ENTPD5: variants seen among roughly 807,000 people sequenced by gnomAD.
The protein encoded by ENTPD5 is nucleoside diphosphate phosphatase ENTPD5.
In ENTPD5, 49 loss-of-function variants were observed where a neutral mutation model predicts 60.2. The ratio of observed to expected loss-of-function variants is 0.81; its 90% confidence interval spans 0.65 to 1.03. ENTPD5 has a LOEUF of 1.03. ENTPD5 is among the 50% of genes least tolerant of loss of function. The pLI is 0.00. For synonymous variants in ENTPD5, 187 were observed against 185.4 expected (o/e 1.01, Z -0.07); for missense variants, 480 against 507.6 (o/e 0.95, Z 0.52).
downstream of ENTPD5, chr14:73,959,151 C>T (rs373668656): frequency 6.2e-7 from 1 of 1,614,064 alleles, no homozygotes; most frequent in African/African-American, 1.3e-5. Flanking sequence ...CTTTTCTCCT[C>T]TCTGTTGCAG....
intron 3 of ENTPD5, among the ~76,000 whole-genome samples, chr14:74,005,378 A>G (rs1393717039): frequency 1.3e-5 from 2 of 150,476 alleles, no homozygotes; most frequent in Non-Finnish European, 3.0e-5. Context: ...AAAAAAGAAA[A>G]GAAATATAGG....
At chr14:73,961,395 G>A, downstream of ENTPD5, 1 of 1,614,128 alleles carries the variant, frequency 6.2e-7, no homozygotes, top group Non-Finnish European at 8.5e-7. Flanking sequence ...TAACAGAGCA[G>A]GGCCACTCCC....
rs1594941315 is a variant in ENTPD5, at chr14:74,003,415, A to G, written c.-71+7676T>C. On this transcript the variant is annotated intron_variant, in intron 3 of 15. Coordinates refer to ENST00000334696, the MANE Select transcript of ENTPD5 (RefSeq NM_001249.5). ...TGCATCATGAGAGCTAAGTGGAGGA[A>G]AAAGCGAATGTGCAGTCTGAAGCAC... 12 of 943,860 alleles carry G rather than the reference A, an allele frequency of 1.3e-5. No homozygotes were observed. The East Asian group carries it at 3.4e-4, about 27-fold the overall frequency. 58.5% of individuals were successfully genotyped at this position (943,860 alleles called of 1,614,324 possible).
At chr14:74,006,388 A>T (rs1435541596) in intron 3 of ENTPD5, among the ~76,000 whole-genome samples, 1 of 148,224 alleles carries the variant, frequency 6.7e-6, no homozygotes, top group Non-Finnish European at 1.5e-5. Context: ...GGTTCACACC[A>T]TTCTCCTGCC....
downstream of ENTPD5, chr14:73,959,427 T>A: frequency 6.2e-7 from 1 of 1,614,220 alleles, no homozygotes; most frequent in Non-Finnish European, 8.5e-7. Flanking sequence ...CTCAGACACC[T>A]TGAGTTCCTT....
chr14:74,014,897 T>C (rs1164287694), intron 2 of ENTPD5, among the ~76,000 whole-genome samples: 1 of 151,892 alleles, frequency 6.6e-6, no homozygotes, highest in Non-Finnish European at 1.5e-5. Flanking sequence ...CTGGCCAACA[T>C]GGGGGTGAAA....
rs78933588 is a variant in ENTPD5, at chr14:73,966,908, C to T, written c.*20G>A. On this transcript the variant is annotated 3_prime_UTR_variant, in exon 16 of 16. Transcript: ENST00000334696. Reference sequence around the variant, plus strand: ...TAAAAAGGTGTTGGCAAATGCAGGTCTCCAAGGAAGTACGTGGCCTCAATG... The same window carrying T: ...TAAAAAGGTGTTGGCAAATGCAGGTTTCCAAGGAAGTACGTGGCCTCAATG... 7.4e-4 allele frequency: 1,191 copies of T among 1,604,180 alleles called. 7 individuals carry two copies. In the African/African-American group the frequency reaches 0.014, roughly 19 times the overall value.
At chr14:73,997,373 T>C (rs1358996167) in intron 3 of ENTPD5, among the ~76,000 whole-genome samples, 1 of 152,040 alleles carries the variant, frequency 6.6e-6, no homozygotes, top group Non-Finnish European at 1.5e-5. Flanking sequence ...TTGGATAAAA[T>C]AATACAGTAT....
intron 6 of ENTPD5, among the ~76,000 whole-genome samples, chr14:73,981,359 C>T (rs1169137425): frequency 6.6e-6 from 1 of 151,362 alleles, no homozygotes; most frequent in African/African-American, 2.4e-5. Context: ...ATTAGCCAGG[C>T]GTGGTGGTGC....
At chr14:73,975,706 A>G (rs2057413132) in intron 10 of ENTPD5, among the ~76,000 whole-genome samples, 1 of 152,122 alleles carries the variant, frequency 6.6e-6, no homozygotes, top group Non-Finnish European at 1.5e-5. Context: ...CACCCAGCCG[A>G]AAACTTTTGA....
chr14:74,012,205 A>G (rs1309036848), intron 2 of ENTPD5, among the ~76,000 whole-genome samples: 1 of 152,088 alleles, frequency 6.6e-6, no homozygotes, highest in East Asian at 1.9e-4. Context: ...CCTGGGTTCA[A>G]GCAATTCTCC....
At chr14:73,958,210 T>A (rs763335425), downstream of ENTPD5, 4 of 1,614,018 alleles carry the variant, frequency 2.5e-6, no homozygotes, top group Middle Eastern at 1.6e-4. Flanking sequence ...CCATTTCCTA[T>A]GGCCGACTCC....
intron 3 of ENTPD5, among the ~76,000 whole-genome samples, chr14:73,990,357 C>A (rs1025230768): frequency 6.7e-6 from 1 of 149,368 alleles, no homozygotes; most frequent in East Asian, 2.0e-4. Flanking sequence ...TTTTTTGAGA[C>A]AGGGTCTCAC....
intron 4 of ENTPD5, among the ~76,000 whole-genome samples, chr14:73,987,535 T>C (rs1385036019): frequency 6.6e-6 from 1 of 152,002 alleles, no homozygotes; most frequent in Non-Finnish European, 1.5e-5. Context: ...GAGCTGGGCA[T>C]GGTGGCACAA....
chr14:73,957,008 A>T (rs1232779749), downstream of ENTPD5, among the ~76,000 whole-genome samples: 1 of 152,138 alleles, frequency 6.6e-6, no homozygotes, highest in African/African-American at 2.4e-5. Context: ...CTGTAATTGC[A>T]GTTGTCTCTG....
At chr14:73,983,786 G>A (rs1030466891) in intron 5 of ENTPD5, among the ~76,000 whole-genome samples, 1 of 151,376 alleles carries the variant, frequency 6.6e-6, no homozygotes, top group African/African-American at 2.4e-5. Flanking sequence ...CACCTCCCAG[G>A]TTCAAGCGAT....
intron 10 of ENTPD5, among the ~76,000 whole-genome samples, chr14:73,975,403 CTTTT>C (rs56885977): frequency 1.3e-4 from 15 of 115,538 alleles, no homozygotes; most frequent in Admixed American, 1.7e-4. Context: ...GCTTTTGATT[CTTTT>C]TTTTTTTTTT....
At position 73,974,945 on chromosome 14, in the gene ENTPD5, G is replaced by A. The variant is rs775729654; in HGVS notation, c.763C>T (p.Leu255=). 1.2e-6 allele frequency: 2 copies of A among 1,613,570 alleles called. No individual in the cohort carries two copies. The highest frequency in any genetic ancestry group is 1.3e-5 in the African/African-American group (1 of 74,896). Residue 255 remains leucine, a synonymous_variant, in exon 11 of 16, where the codon CTG becomes TTG. Coordinates refer to ENST00000334696, the MANE Select transcript of ENTPD5 (RefSeq NM_001249.5). The stretch of plus-strand genomic sequence containing the variant: ...AAACCTTCTGTCTCCAGGGCTCCCA[G>A]GGTTGCTAGTCTTGCAGCTTTCAAT... ...FGLKAARLAT[L]GALETEGTDG... is the part of the protein sequence containing the mutation.
At chr14:73,976,556 G>A (rs960578380) in intron 8 of ENTPD5, 144 bp from the exon 9 acceptor site, 13 of 637,124 alleles carry the variant, frequency 2.0e-5, no homozygotes, top group African/African-American at 1.3e-4. Flanking sequence ...ATGTCAACTC[G>A]GAAGGACTCT....
Sources: allele counts gnomAD v4.1 joint callset (sites outside exome capture counted in the v4.1 genomes callset), GRCh38; gene constraint gnomAD v4.1.1; transcripts MANE v1.5; gene names NCBI Gene and HGNC (gene_info 2026-07-23, HGNC 2026-07-21).